PARVG: variants seen among roughly 807,000 people sequenced by gnomAD.
PARVG encodes the protein gamma-parvin.
In PARVG, 36 loss-of-function variants were observed where a neutral mutation model predicts 44.4. That is an observed-to-expected ratio of 0.81 (90% CI 0.62 to 1.07). The LOEUF is 1.07. PARVG is among the 50% of genes least tolerant of loss of function. The pLI is 0.00. For synonymous variants in PARVG, 170 were observed against 174.1 expected (o/e 0.98, Z 0.19); for missense variants, 407 against 407.4 (o/e 1.00, Z 0.01).
chr22:44,198,914 C>T (rs1048507568), intron 12 of PARVG, among the ~76,000 whole-genome samples, 192 bp downstream of exon 12: 1 of 109,568 alleles, frequency 9.1e-6, no homozygotes, highest in Non-Finnish European at 2.1e-5. Context: ...ATCTACCCAT[C>T]CATCCATCTA....
intron 12 of PARVG, among the ~76,000 whole-genome samples, 185 bp downstream of exon 12, chr22:44,198,907 T>TATTC (rs2054656754): frequency 2.0e-5 from 1 of 51,028 alleles, no homozygotes; most frequent in South Asian, 6.6e-4. Flanking sequence ...TCCATCCATC[T>TATTC]ACCCATCCAT....
In PARVG at chr22:44,207,062, C is replaced by T. The variant is rs889509586; in HGVS notation, c.*636C>T. 3 of 154,160 alleles carry T rather than the reference C, an allele frequency of 1.9e-5. No individual in the cohort carries two copies. The highest frequency in any genetic ancestry group is 4.3e-5 in the Non-Finnish European group (3 of 69,896). The allele number at this position is 154,160 out of a possible 1,614,324, so 9.5% of individuals were successfully genotyped here. A position where few individuals can be genotyped will look rare whatever the true frequency, so the allele number is the denominator to read the frequency against. On this transcript the variant is annotated 3_prime_UTR_variant, in exon 14 of 14. Transcript: ENST00000444313. ...AATCTTCGTGGTTGATTAGTGGGTT[C>T]AGGTCATCTCCAGTCTGTCCTCGGG... is the stretch of plus-strand genomic sequence containing the variant.
At chr22:44,199,959 T>C (rs16991642) in intron 12 of PARVG, among the ~76,000 whole-genome samples, 49,894 of 151,932 alleles carry the variant, frequency 0.33, 8,388 homozygotes, top group Middle Eastern at 0.43. Context: ...ATGAGGGCTG[T>C]GGCTTGACCT....
chr22:44,190,601 G>C lies in PARVG; in HGVS notation c.439G>C (p.Ala147Pro). The change falls in exon 7 of 14, where the codon GCC becomes CCC. Residue 147 changes from alanine to proline, a missense_variant. Coordinates refer to ENST00000444313, the MANE Select transcript of PARVG (RefSeq NM_022141.7). ...LSTLHLLVAL[A>P]KRFQPDLSLP... ...TACCCTGCACCTCCTTGTGGCCCTG[G>C]CCAAGCGCTTCCAGCCCGACCTCTC... 1.9e-6 allele frequency: 3 copies of C among 1,614,080 alleles called. No homozygotes were observed. The highest frequency in any genetic ancestry group is 2.5e-6 in the Non-Finnish European group (3 of 1,179,980).
chr22:44,205,807 C>T lies in PARVG; in HGVS notation c.864C>T (p.Leu288=). 10 of 1,613,424 alleles carry T rather than the reference C, an allele frequency of 6.2e-6. No individual in the cohort carries two copies. Among genetic ancestry groups the T allele is most frequent in the South Asian group, 1.1e-5 (1 of 91,040 alleles). ...AGCTGCTGAAGGACGAGGGCCTGCT[C>T]AGCTGCCCTGTCAGCCCTGAAGGTG... is the stretch of plus-strand genomic sequence containing the variant. ...ALELLKDEGL[L]SCPVSPEDIV... Residue 288 remains leucine, a synonymous_variant, in exon 13 of 14, where the codon CTC becomes CTT. Transcript: ENST00000444313.
At chr22:44,191,203 C>T (rs2054543562) in intron 7 of PARVG, among the ~76,000 whole-genome samples, 1 of 151,974 alleles carries the variant, frequency 6.6e-6, no homozygotes, top group Admixed American at 6.6e-5. Flanking sequence ...CCACGACTTC[C>T]CTCTCCAGAC....
At chr22:44,186,720 G>A (rs920117428) in intron 4 of PARVG, 1 of 464,116 alleles carries the variant, frequency 2.2e-6, no homozygotes, top group Non-Finnish European at 4.5e-6. Flanking sequence ...GCCAGTAGTT[G>A]AGTTGGGAGG....
rs1601734082 is a variant in PARVG at position 44,188,842 on chromosome 22, C to T, written c.248-272C>T. ...CACAGGCTGATCAAGGTGAGGTGGG[C>T]TCTCTCAACCAGCTCAGGGGGCTGA... On this transcript the variant is annotated intron_variant, in intron 5 of 13. Coordinates refer to ENST00000444313, the MANE Select transcript of PARVG (RefSeq NM_022141.7). The T allele has an allele frequency of 7.2e-5, 35 of 487,734 alleles. No homozygotes were observed. The East Asian group carries it at 1.2e-3, about 17-fold the overall frequency. The allele number at this position is 487,734 out of a possible 1,614,324, so 30.2% of individuals were successfully genotyped here.
At chr22:44,196,310 C>T (rs1170652088) in intron 10 of PARVG, 37 bp from the exon 11 acceptor site, 1 of 1,614,052 alleles carries the variant, frequency 6.2e-7, no homozygotes, top group Admixed American at 1.7e-5. Context: ...TCCCATCACA[C>T]CTGCTGTGTG....
intron 4 of PARVG, chr22:44,186,339 C>T: frequency 3.0e-6 from 1 of 333,770 alleles, no homozygotes; most frequent in Non-Finnish European, 6.0e-6. Flanking sequence ...ATTCTTAGTT[C>T]TCTCCTTGGT....
At chr22:44,204,876 T>C (rs1048862196) in intron 12 of PARVG, among the ~76,000 whole-genome samples, 1 of 152,184 alleles carries the variant, frequency 6.6e-6, no homozygotes, top group African/African-American at 2.4e-5. Flanking sequence ...GGCTGGGACC[T>C]ACTCTGCTTG....
chr22:44,185,709 C>T (rs2054455134), intron 3 of PARVG, 99 bp from the exon 4 acceptor site: 1 of 1,035,094 alleles, frequency 9.7e-7, no homozygotes, highest in Non-Finnish European at 1.4e-6. Flanking sequence ...ACCGGTGCCC[C>T]TGGGTCTGCG....
chr22:44,190,280 G>A (rs1880679622), intron 6 of PARVG, among the ~76,000 whole-genome samples: 1 of 152,210 alleles, frequency 6.6e-6, no homozygotes, highest in Non-Finnish European at 1.5e-5. Context: ...GTTTCCGATT[G>A]TAAACAGTGC....
At chr22:44,192,364 T>G (rs954180806) in intron 8 of PARVG, among the ~76,000 whole-genome samples, 4 of 152,102 alleles carry the variant, frequency 2.6e-5, no homozygotes, top group Admixed American at 1.3e-4. Context: ...GCCCCTGGGT[T>G]TGGGGTACAG....
intron 12 of PARVG, among the ~76,000 whole-genome samples, chr22:44,204,204 GCCCA>G (rs1314930469): frequency 2.0e-5 from 3 of 152,150 alleles, no homozygotes; most frequent in African/African-American, 7.2e-5. Flanking sequence ...TGGGCACCCT[GCCCA>G]TACACTCCTT....
intron 1 of PARVG, among the ~76,000 whole-genome samples, chr22:44,175,166 G>A (rs554476250): frequency 6.6e-6 from 1 of 152,346 alleles, no homozygotes; most frequent in Admixed American, 6.5e-5. Context: ...TCAGGCCAAT[G>A]CACTGGTGTG....
At chr22:44,173,254 C>T (rs1444276614) in intron 1 of PARVG, 29 of 1,169,820 alleles carry the variant, frequency 2.5e-5, no homozygotes, top group East Asian at 1.2e-4. Context: ...ACAAAGCTAG[C>T]GGCCAGGAGC....
At chr22:44,197,136 G>C (rs2054629646) in intron 11 of PARVG, among the ~76,000 whole-genome samples, 1 of 152,200 alleles carries the variant, frequency 6.6e-6, no homozygotes, top group Non-Finnish European at 1.5e-5. Flanking sequence ...GGTCTGGGGT[G>C]GGGAGGGAGT....
intron 12 of PARVG, among the ~76,000 whole-genome samples, chr22:44,202,824 G>A (rs2054727654): frequency 6.6e-6 from 1 of 152,190 alleles, no homozygotes; most frequent in Admixed American, 6.5e-5. Flanking sequence ...TATTCATTGT[G>A]GGCACGGAAG....
Sources: gnomAD v4.1 joint callset for allele counts (sites outside exome capture counted in the v4.1 genomes callset) on GRCh38, gnomAD v4.1.1 for gene constraint, MANE v1.5 for transcripts, NCBI Gene and HGNC (gene_info 2026-07-23, HGNC 2026-07-21) for gene names.